AOPEP: variants seen among roughly 807,000 people sequenced by gnomAD.
AOPEP encodes aminopeptidase O.
A neutral mutation model predicts 98.1 loss-of-function variants in AOPEP; 77 were observed. The observed-to-expected ratio is 0.78, with a 90% CI of 0.65 to 0.95. The LOEUF (loss-of-function observed/expected upper bound fraction) is 0.95, where lower values mean the gene tolerates loss of function less well. Ranked by LOEUF, AOPEP falls within the 40% of genes least tolerant of loss-of-function variation. The pLI is 0.00. For synonymous variants in AOPEP, 346 were observed against 365.3 expected, an observed-to-expected ratio of 0.95 and a Z score of 0.60; for missense variants, 1,024 against 1,024.7, an observed-to-expected ratio of 1.00 and a Z score of 0.01.
At chr9:94,833,876 T>A (rs1200826394) in intron 5 of AOPEP, among the ~76,000 whole-genome samples, 1 of 152,094 alleles carries the variant, frequency 6.6e-6, no homozygotes, top group Non-Finnish European at 1.5e-5. Flanking sequence ...GCTAATAAAT[T>A]AAGTAATGGT....
Position 94,728,239 on chromosome 9 carries a change from GCA to G in AOPEP, c.-136+1520_-136+1521del, listed in dbSNP as rs78505500. Reference sequence around the variant, plus strand: ...TGTGATCCTTCCTGCGTGCGCGCATGCACACACACACACACACACACACACAC... The same window carrying G: ...TGTGATCCTTCCTGCGTGCGCGCATGCACACACACACACACACACACACAC... On this transcript the variant is annotated intron_variant, in intron 1 of 16. Coordinates refer to ENST00000375315, the MANE Select transcript of AOPEP (RefSeq NM_001193329.3). Among the ~76,000 whole-genome samples, 745 of 146,434 alleles carry G rather than the reference GCA, an allele frequency of 5.1e-3. 3 individuals carry two copies. The highest frequency in any genetic ancestry group is 0.018 in the Middle Eastern group (5 of 284).
At chr9:94,858,154 C>T (rs74570381) in intron 5 of AOPEP, among the ~76,000 whole-genome samples, 4,204 of 151,794 alleles carry the variant, frequency 0.028, 190 homozygotes, top group African/African-American at 0.096. Flanking sequence ...TCCGATTTTC[C>T]GATTCCTCAA....
At chr9:95,106,802 T>C in the AOPEP span, among the ~76,000 whole-genome samples, 1 of 152,220 alleles carries the variant, frequency 6.6e-6, no homozygotes, top group Admixed American at 6.5e-5. Flanking sequence ...ACCTGGCTTC[T>C]ACCGCAGGCT....
At chr9:94,741,092 G>A (rs1352741585) in intron 1 of AOPEP, among the ~76,000 whole-genome samples, 5 of 152,014 alleles carry the variant, frequency 3.3e-5, no homozygotes, top group Non-Finnish European at 7.4e-5. Context: ...TGGATGTGGG[G>A]TGGTGGCTGG....
chr9:94,738,868 C>T lies in AOPEP; in HGVS notation c.-136+12117C>T, dbSNP rs62580296. ...GGATTACAGGCGTGAGCCGCTGTGCCCCAAGAGAAAAATATTTTAAATTAA... is the reference window on the plus strand; with the variant it reads ...GGATTACAGGCGTGAGCCGCTGTGCTCCAAGAGAAAAATATTTTAAATTAA... On this transcript the variant is annotated intron_variant, in intron 1 of 16. Coordinates refer to ENST00000375315, the MANE Select transcript of AOPEP (RefSeq NM_001193329.3). 1.2e-3 allele frequency among the ~76,000 whole-genome samples: 185 copies of T among 152,278 alleles called. No homozygotes were observed. The Middle Eastern group carries it at 0.014, about 11-fold the overall frequency.
chr9:95,104,958 T>C, the AOPEP span, among the ~76,000 whole-genome samples: 1 of 152,238 alleles, frequency 6.6e-6, no homozygotes, highest in African/African-American at 2.4e-5. Context: ...CTCTCGCGTC[T>C]GGCTTATTTC....
At chr9:95,007,888 C>T (rs2062157916) in intron 13 of AOPEP, among the ~76,000 whole-genome samples, 1 of 152,192 alleles carries the variant, frequency 6.6e-6, no homozygotes, top group Non-Finnish European at 1.5e-5. Context: ...TAACCTTTTG[C>T]TAGGATTTGA....
chr9:94,910,370 C>T (rs2051837959), intron 5 of AOPEP, among the ~76,000 whole-genome samples: 1 of 152,180 alleles, frequency 6.6e-6, no homozygotes, highest in Non-Finnish European at 1.5e-5. Context: ...ACCTTGCTAC[C>T]CGGGTAGGAC....
chr9:95,143,231 A>T, the AOPEP span, among the ~76,000 whole-genome samples: 2 of 152,230 alleles, frequency 1.3e-5, no homozygotes, highest in Non-Finnish European at 2.9e-5. Flanking sequence ...CTGAGCTTCC[A>T]GGCCCTCTCC....
intron 7 of AOPEP, among the ~76,000 whole-genome samples, chr9:94,938,034 C>T (rs547709678): frequency 9.1e-4 from 139 of 152,302 alleles, no homozygotes; most frequent in African/African-American, 3.3e-3. Context: ...CCACCACACC[C>T]AGATAATTTT....
chr9:94,750,210 A>G (rs979701915), intron 1 of AOPEP, among the ~76,000 whole-genome samples: 2 of 152,126 alleles, frequency 1.3e-5, no homozygotes, highest in Admixed American at 6.5e-5. Context: ...TGTAGACATC[A>G]CCTTTCCTAA....
the AOPEP span, chr9:95,101,741 C>A: frequency 6.2e-7 from 1 of 1,613,964 alleles, no homozygotes; most frequent in Non-Finnish European, 8.5e-7. Flanking sequence ...AAGGAGCTCT[C>A]GGGCCAGTTT....
the AOPEP span, among the ~76,000 whole-genome samples, chr9:95,098,139 C>T: frequency 6.6e-5 from 10 of 152,142 alleles, no homozygotes; most frequent in Admixed American, 5.9e-4. Flanking sequence ...TCCCACTGTG[C>T]AAATCCTCCA....
chr9:94,907,710 T>TG (rs2051373432), intron 5 of AOPEP, among the ~76,000 whole-genome samples: 1 of 152,134 alleles, frequency 6.6e-6, no homozygotes, highest in Non-Finnish European at 1.5e-5. Context: ...GAGCCTCCCT[T>TG]GCAGCAACCC....
At chr9:95,116,393 G>A in the AOPEP span, among the ~76,000 whole-genome samples, 1 of 152,224 alleles carries the variant, frequency 6.6e-6, no homozygotes, top group Non-Finnish European at 1.5e-5. Context: ...ATCACCCTGG[G>A]CAAGAACCTA....
At chr9:95,115,029 C>T in the AOPEP span, among the ~76,000 whole-genome samples, 566 of 152,314 alleles carry the variant, frequency 3.7e-3, 2 homozygotes, top group African/African-American at 0.013. Context: ...CAGCCCCAAC[C>T]TCCTGGGCTC....
At position 94,800,985 on chromosome 9, in the gene AOPEP, A is replaced by T. The variant is rs1848091221; in HGVS notation, c.1347A>T (p.Pro449=). The T allele has an allele frequency of 1.9e-6, 3 of 1,614,004 alleles. No individual in the cohort carries two copies. The highest frequency in any genetic ancestry group is 2.5e-6 in the Non-Finnish European group (3 of 1,180,014). ...TTCTCATCGTCCCTGCCAACTTTCC[A>T]AGTCTGGGGATGGCCAGGTATGTTG... ...LDVLIVPANF[P]SLGMASPHIM... is the part of the protein sequence containing the mutation. The change falls in exon 5 of 17, where the codon CCA becomes CCT. Residue 449 remains proline, a synonymous_variant. Transcript: ENST00000375315.
At chr9:94,754,053 G>T (rs1836441276) in intron 1 of AOPEP, among the ~76,000 whole-genome samples, 1 of 152,194 alleles carries the variant, frequency 6.6e-6, no homozygotes, top group East Asian at 1.9e-4. Context: ...AAAAGAGACA[G>T]ATTTATATAC....
At chr9:94,919,160 C>T (rs1243561272) in intron 5 of AOPEP, among the ~76,000 whole-genome samples, 2 of 152,132 alleles carry the variant, frequency 1.3e-5, no homozygotes, top group African/African-American at 4.8e-5. Flanking sequence ...GTGATCTGCC[C>T]ACCTCAGCCT....
Sources: allele counts gnomAD v4.1 joint callset (sites outside exome capture counted in the v4.1 genomes callset), GRCh38; gene constraint gnomAD v4.1.1; transcripts MANE v1.5; gene names NCBI Gene and HGNC (gene_info 2026-07-23, HGNC 2026-07-21).